The following VAV3 variants were observed in gnomAD, a reference collection of about 807,000 sequenced individuals.
VAV3 encodes the protein vav guanine nucleotide exchange factor 3.
In VAV3, 94 loss-of-function variants were observed where a neutral mutation model predicts 131.2. That is an observed-to-expected ratio of 0.72 (90% CI 0.61 to 0.85). The LOEUF (loss-of-function observed/expected upper bound fraction) is 0.85. VAV3 is among the 40% of genes least tolerant of loss of function. The pLI, the probability that VAV3 is intolerant of heterozygous loss-of-function variation, is 0.00. For missense variants in VAV3, 939 were observed against 1,002.7 expected (o/e 0.94, Z 0.86); for synonymous variants, 349 against 342.0 (o/e 1.02, Z -0.22).
intron 1 of VAV3, among the ~76,000 whole-genome samples, chr1:107,894,330 G>A (rs530432961): frequency 1.1e-4 from 17 of 152,230 alleles, no homozygotes; most frequent in Middle Eastern, 3.4e-3. Flanking sequence ...AGAAGAAAAG[G>A]TAGAAGTAAA....
intron 20 of VAV3, among the ~76,000 whole-genome samples, chr1:107,639,532 A>G: frequency 6.6e-6 from 1 of 152,230 alleles, no homozygotes; most frequent in South Asian, 2.1e-4. Context: ...CAAGCACTTC[A>G]CCAGCAAAGT....
chr1:107,833,000 T>C (rs1055374131), intron 2 of VAV3, among the ~76,000 whole-genome samples: 1 of 152,214 alleles, frequency 6.6e-6, no homozygotes, highest in Admixed American at 6.5e-5. Context: ...GAGAAATACA[T>C]GATTTTTTTC....
intron 2 of VAV3, among the ~76,000 whole-genome samples, chr1:107,829,037 G>A (rs373258809): frequency 1.3e-5 from 2 of 152,098 alleles, no homozygotes; most frequent in African/African-American, 2.4e-5. Flanking sequence ...AACAAATTAC[G>A]GATGCTGGAA....
chr1:107,633,823 G>A (rs975149001), intron 20 of VAV3, among the ~76,000 whole-genome samples: 5 of 152,042 alleles, frequency 3.3e-5, no homozygotes, highest in African/African-American at 4.8e-5. Context: ...AGAGGTCAAC[G>A]TGCAGAAAGC....
intron 2 of VAV3, among the ~76,000 whole-genome samples, chr1:107,817,675 G>T (rs56311947): frequency 6.6e-6 from 1 of 151,916 alleles, no homozygotes; most frequent in South Asian, 2.1e-4. Flanking sequence ...CCATAGGCAG[G>T]GGGGTGAGGA....
chr1:107,639,962 C>T (rs1353408217), intron 20 of VAV3, among the ~76,000 whole-genome samples: 1 of 150,852 alleles, frequency 6.6e-6, no homozygotes, highest in African/African-American at 2.4e-5. Context: ...AGAATGACCA[C>T]ACCAAATGTT....
At chr1:107,756,750 T>C (rs2102103868) in intron 11 of VAV3, among the ~76,000 whole-genome samples, 1 of 152,164 alleles carries the variant, frequency 6.6e-6, no homozygotes, top group South Asian at 2.1e-4. Flanking sequence ...CTGAACAAAC[T>C]GAAATTCACT....
chr1:107,839,186 T>C (rs1244928550), intron 2 of VAV3, among the ~76,000 whole-genome samples: 1 of 152,194 alleles, frequency 6.6e-6, no homozygotes, highest in Non-Finnish European at 1.5e-5. Flanking sequence ...CTCAGCTTTA[T>C]AGGGCAGAGG....
chr1:107,633,200 A>T (rs534111353), intron 20 of VAV3, among the ~76,000 whole-genome samples: 1 of 152,336 alleles, frequency 6.6e-6, no homozygotes. Context: ...AAAAGATACT[A>T]TACATAATTA....
intron 1 of VAV3, among the ~76,000 whole-genome samples, chr1:107,884,464 T>A (rs548991575): frequency 4.0e-5 from 6 of 149,850 alleles, no homozygotes; most frequent in Admixed American, 6.7e-5. Context: ...TGAGACAGGT[T>A]CTTTCTTGCT....
intron 19 of VAV3, among the ~76,000 whole-genome samples, chr1:107,670,628 T>A (rs1657721575): frequency 6.6e-6 from 1 of 152,150 alleles, no homozygotes; most frequent in South Asian, 2.1e-4. Context: ...ACTTTTCTCA[T>A]CCCAGTAGCT....
chr1:107,574,487 C>CA (rs888531413), intron 25 of VAV3, among the ~76,000 whole-genome samples: 1 of 151,964 alleles, frequency 6.6e-6, no homozygotes, highest in South Asian at 2.1e-4. Flanking sequence ...CAAAACAAAA[C>CA]AAAAAAACAA....
intron 1 of VAV3, among the ~76,000 whole-genome samples, chr1:107,933,135 C>T (rs535508481): frequency 6.6e-5 from 10 of 152,182 alleles, no homozygotes; most frequent in South Asian, 2.1e-4. Flanking sequence ...CTTACTATTC[C>T]GAGGCCTAAA....
intron 24 of VAV3, among the ~76,000 whole-genome samples, chr1:107,601,324 T>C (rs772207794): frequency 5.1e-4 from 77 of 152,332 alleles, no homozygotes; most frequent in Admixed American, 8.5e-4. Flanking sequence ...AGAGATTTTC[T>C]TATTTTTCTT....
intron 25 of VAV3, among the ~76,000 whole-genome samples, chr1:107,587,769 C>G (rs897478100): frequency 2.0e-5 from 3 of 151,814 alleles, no homozygotes; most frequent in African/African-American, 7.3e-5. Context: ...TTTTTGTATT[C>G]TTAGTAGAGA....
intron 15 of VAV3, among the ~76,000 whole-genome samples, chr1:107,706,766 T>A (rs989883572): frequency 6.6e-6 from 1 of 152,214 alleles, no homozygotes; most frequent in Admixed American, 6.5e-5. Context: ...GGGTCATAGA[T>A]GATTTGTCAA....
intron 2 of VAV3, among the ~76,000 whole-genome samples, chr1:107,867,664 A>C (rs1212818485): frequency 2.6e-5 from 4 of 152,168 alleles, no homozygotes; most frequent in Non-Finnish European, 4.4e-5. Flanking sequence ...CAAGCCTCCT[A>C]CTGCTCAGGG....
At chr1:107,881,905 T>G (rs1557899739) in intron 1 of VAV3, among the ~76,000 whole-genome samples, 1 of 152,180 alleles carries the variant, frequency 6.6e-6, no homozygotes, top group Non-Finnish European at 1.5e-5. Flanking sequence ...ACTGCTAAAG[T>G]TCACTACAAA....
chr1:107,826,666 A>G (rs1668027972), intron 2 of VAV3, among the ~76,000 whole-genome samples: 1 of 152,200 alleles, frequency 6.6e-6, no homozygotes. Flanking sequence ...CTTAAGCTTC[A>G]TGATACTCAA....
Sources: allele counts gnomAD v4.1 joint callset (sites outside exome capture counted in the v4.1 genomes callset), GRCh38; gene constraint gnomAD v4.1.1; transcripts MANE v1.5; gene names NCBI Gene and HGNC (gene_info 2026-07-23, HGNC 2026-07-21).